Variants in SUPT3H observed in about 807,000 individuals in gnomAD.
The protein encoded by SUPT3H is SPT3 homolog, SAGA and STAGA complex component, also known as transcription initiation protein SPT3 homolog.
Under a neutral mutation model 44.3 loss-of-function variants are expected in SUPT3H, and 44 were observed. That is an observed-to-expected ratio of 0.99 (90% CI 0.78 to 1.28). SUPT3H has a LOEUF of 1.28. Among genes scored for constraint, SUPT3H ranks in the 50% most tolerant of loss-of-function variants. The pLI, the probability that SUPT3H is intolerant of heterozygous loss-of-function variation, is 0.00. For missense variants in SUPT3H, 380 were observed against 387.1 expected (o/e 0.98, Z 0.15); for synonymous variants, 124 against 125.6 (o/e 0.99, Z 0.09).
intron 10 of SUPT3H, among the ~76,000 whole-genome samples, chr6:44,920,773 C>A (rs1174731724): frequency 3.3e-5 from 5 of 151,864 alleles, no homozygotes; most frequent in African/African-American, 1.2e-4. Context: ...ATCTTTGATG[C>A]TTCATCTCAT....
intron 6 of SUPT3H, among the ~76,000 whole-genome samples, chr6:44,975,024 A>T (rs953819066): frequency 1.3e-5 from 2 of 152,128 alleles, no homozygotes; most frequent in African/African-American, 4.8e-5. Flanking sequence ...TACAAAAATT[A>T]GCTGGGCATG....
chr6:44,969,612 A>T (rs936595896), intron 6 of SUPT3H, among the ~76,000 whole-genome samples: 6 of 152,216 alleles, frequency 3.9e-5, no homozygotes, highest in African/African-American at 1.4e-4. Context: ...AAAATCAAAA[A>T]ACAAAAACAC....
intron 10 of SUPT3H, among the ~76,000 whole-genome samples, chr6:44,918,642 G>A (rs751933465): frequency 2.0e-5 from 3 of 152,144 alleles, no homozygotes; most frequent in East Asian, 3.9e-4. Context: ...ACCATTTTTG[G>A]AAGGCAAAAG....
chr6:44,889,635 G>C (rs184173568), intron 10 of SUPT3H, among the ~76,000 whole-genome samples: 210 of 152,222 alleles, frequency 1.4e-3, no homozygotes, highest in African/African-American at 4.8e-3. Context: ...AGACTTAAAC[G>C]TTAGACCTAA....
At chr6:45,068,370 G>A (rs1305801284) in intron 3 of SUPT3H, among the ~76,000 whole-genome samples, 1 of 142,324 alleles carries the variant, frequency 7.0e-6, no homozygotes, top group African/African-American at 2.6e-5. Context: ...GCTAGATGAC[G>A]AGTTAGTGGG....
chr6:44,904,223 C>G (rs1410569018), intron 10 of SUPT3H, among the ~76,000 whole-genome samples: 1 of 152,162 alleles, frequency 6.6e-6, no homozygotes, highest in Non-Finnish European at 1.5e-5. Flanking sequence ...AAGAGGAAGT[C>G]AAATTGTCCC....
intron 3 of SUPT3H, among the ~76,000 whole-genome samples, chr6:45,087,671 A>T (rs920388374): frequency 6.6e-6 from 1 of 151,924 alleles, no homozygotes; most frequent in Non-Finnish European, 1.5e-5. Context: ...TAATAATAAT[A>T]ATATAAGAAA....
At chr6:45,257,006 A>G (rs1268287803) in intron 2 of SUPT3H, among the ~76,000 whole-genome samples, 1 of 152,200 alleles carries the variant, frequency 6.6e-6, no homozygotes, top group East Asian at 1.9e-4. Flanking sequence ...GGTTTGAGGA[A>G]CTACTAGTTT....
intron 11 of SUPT3H, among the ~76,000 whole-genome samples, chr6:44,820,882 G>T (rs932083287): frequency 1.3e-5 from 2 of 152,170 alleles, no homozygotes; most frequent in African/African-American, 4.8e-5. Context: ...ACAGGGTCTG[G>T]CTGTGTTGCC....
At chr6:45,307,983 T>C (rs1045032649) in intron 2 of SUPT3H, among the ~76,000 whole-genome samples, 16 of 152,228 alleles carry the variant, frequency 1.1e-4, no homozygotes, top group Non-Finnish European at 1.5e-4. Flanking sequence ...GTAGCCGATT[T>C]GATCAACTGG....
At chr6:45,140,152 A>G (rs1362699659) in intron 2 of SUPT3H, among the ~76,000 whole-genome samples, 3 of 152,004 alleles carry the variant, frequency 2.0e-5, no homozygotes, top group Non-Finnish European at 2.9e-5. Context: ...CTAATCCCCT[A>G]TGGAAAATAA....
intron 3 of SUPT3H, among the ~76,000 whole-genome samples, chr6:45,028,872 C>T (rs1786443539): frequency 1.3e-5 from 1 of 77,560 alleles, no homozygotes; most frequent in Admixed American, 1.8e-4. Flanking sequence ...AAAACATTTT[C>T]TTTCTTGGTG....
At chr6:45,170,713 ATGGCAAT>A (rs140118032) in intron 2 of SUPT3H, among the ~76,000 whole-genome samples, 3,353 of 152,192 alleles carry the variant, frequency 0.022, 118 homozygotes, top group African/African-American at 0.076. Flanking sequence ...GAATGTGAAT[ATGGCAAT>A]TGGCTTTTAC....
chr6:45,110,706 A>T (rs1222180205), intron 2 of SUPT3H, among the ~76,000 whole-genome samples: 1 of 152,146 alleles, frequency 6.6e-6, no homozygotes, highest in Non-Finnish European at 1.5e-5. Context: ...TAATCTCTCT[A>T]TAAATTCTAA....
intron 2 of SUPT3H, among the ~76,000 whole-genome samples, chr6:45,331,415 A>C (rs1787485885): frequency 6.6e-6 from 1 of 152,000 alleles, no homozygotes; most frequent in Non-Finnish European, 1.5e-5. Context: ...GGTCCATATC[A>C]ATAATATATT....
intron 2 of SUPT3H, chr6:45,328,210 C>A (rs1473090700): frequency 1.7e-5 from 20 of 1,159,944 alleles, no homozygotes; most frequent in Non-Finnish European, 2.2e-5. Flanking sequence ...GGTAGGCAGT[C>A]CCACTTTACT....
intron 2 of SUPT3H, among the ~76,000 whole-genome samples, chr6:45,266,389 A>T (rs9296454): frequency 0.97 from 147,458 of 151,914 alleles, 71,594 homozygotes; most frequent in East Asian, 1. Flanking sequence ...AGTGATACTT[A>T]ACCTCAAACA....
intron 1 of SUPT3H, 36 bp from the exon 2 acceptor site, chr6:45,365,337 A>C: frequency 1.4e-6 from 2 of 1,395,200 alleles, no homozygotes; most frequent in East Asian, 4.6e-5. Flanking sequence ...TACAAAATGT[A>C]CCTAGCTATA....
At chr6:44,924,275 G>C (rs201312747) in intron 10 of SUPT3H, among the ~76,000 whole-genome samples, 1 of 151,922 alleles carries the variant, frequency 6.6e-6, no homozygotes, top group Non-Finnish European at 1.5e-5. Flanking sequence ...GCTGTATTTT[G>C]AATCAAACTC....
Sources: allele counts gnomAD v4.1 joint callset (sites outside exome capture counted in the v4.1 genomes callset), GRCh38; gene constraint gnomAD v4.1.1; transcripts MANE v1.5; gene names NCBI Gene and HGNC (gene_info 2026-07-23, HGNC 2026-07-21).